The following GADL1 variants were observed in gnomAD, a reference collection of about 807,000 sequenced individuals.
The protein encoded by GADL1 is GAD like acidic amino acid decarboxylase 1.
GADL1 carries 71 observed loss-of-function variants against 69.5 expected under a neutral mutation model. The observed-to-expected ratio is 1.02, with a 90% confidence interval of 0.84 to 1.25. GADL1 has a LOEUF of 1.25. Ranked by LOEUF, GADL1 falls within the 50% of genes most tolerant of loss-of-function variation. The pLI is 0.00. For synonymous variants in GADL1, 254 were observed against 214.4 expected (o/e 1.18, Z -1.62); for missense variants, 737 against 631.8 (o/e 1.17, Z -1.79).
At chr3:30,840,645 C>A (rs1697950414) in intron 8 of GADL1, among the ~76,000 whole-genome samples, 1 of 152,158 alleles carries the variant, frequency 6.6e-6, no homozygotes, top group African/African-American at 2.4e-5. Context: ...TCCTCATAAA[C>A]TATATGACAT....
At chr3:30,879,867 G>T (rs781716898) in intron 1 of GADL1, among the ~76,000 whole-genome samples, 2 of 151,858 alleles carry the variant, frequency 1.3e-5, no homozygotes, top group African/African-American at 2.4e-5. Flanking sequence ...GAAAATAAAA[G>T]AATGTAGAAA....
chr3:30,859,513 G>A (rs1169829539), intron 2 of GADL1, among the ~76,000 whole-genome samples: 4 of 151,810 alleles, frequency 2.6e-5, no homozygotes, highest in Non-Finnish European at 5.9e-5. Context: ...TAGAGGAAAG[G>A]GGAGGATTGA....
intron 14 of GADL1, among the ~76,000 whole-genome samples, chr3:30,734,472 G>A (rs1388222907): frequency 2.6e-5 from 4 of 152,158 alleles, no homozygotes; most frequent in Non-Finnish European, 5.9e-5. Context: ...TTTGGATTCA[G>A]CTAAATATAT....
At chr3:30,819,847 A>T (rs1455668961) in intron 11 of GADL1, among the ~76,000 whole-genome samples, 29 of 152,088 alleles carry the variant, frequency 1.9e-4, no homozygotes, top group African/African-American at 7.0e-4. Flanking sequence ...AGCAAAATAT[A>T]TTTGAGAAAA....
At chr3:30,800,768 ATTAC>A (rs1697141524) in intron 12 of GADL1, 117 bp downstream of exon 12, 2 of 774,182 alleles carry the variant, frequency 2.6e-6, no homozygotes, top group African/African-American at 3.5e-5. Context: ...CATTTCAAGT[ATTAC>A]TTTCCTTAGG....
chr3:30,792,691 G>A (rs1351819856), intron 12 of GADL1, among the ~76,000 whole-genome samples: 1 of 152,148 alleles, frequency 6.6e-6, no homozygotes, highest in African/African-American at 2.4e-5. Context: ...GTGTTAGGGA[G>A]GTTTCCTCTC....
rs958385182 is a variant in GADL1 at position 30,877,533 on chromosome 3, C to A, written c.38-15768G>T. Among the ~76,000 whole-genome samples, 3 of 151,914 alleles carry A rather than the reference C, an allele frequency of 2.0e-5. No homozygotes were observed. In the South Asian group the frequency reaches 6.2e-4, roughly 32 times the overall value. On this transcript the variant is annotated intron_variant, in intron 1 of 14. Transcript: ENST00000282538. The stretch of plus-strand genomic sequence containing the variant: ...AAACTGAGTGTCATGACAGAATATA[C>A]CATGATGAAAATGCATATGAAGGAA...
intron 9 of GADL1, among the ~76,000 whole-genome samples, chr3:30,835,956 C>T (rs1217950559): frequency 6.6e-6 from 1 of 152,100 alleles, no homozygotes; most frequent in Non-Finnish European, 1.5e-5. Context: ...ATTTTATCCC[C>T]AGCCTACAAC....
chr3:30,890,809 A>G (rs1326145301), intron 1 of GADL1, among the ~76,000 whole-genome samples: 1 of 152,204 alleles, frequency 6.6e-6, no homozygotes, highest in Non-Finnish European at 1.5e-5. Flanking sequence ...ACACATTTCA[A>G]TAACCTCATT....
At chr3:30,863,648 C>T (rs972893852) in intron 1 of GADL1, among the ~76,000 whole-genome samples, 1 of 151,808 alleles carries the variant, frequency 6.6e-6, no homozygotes, top group African/African-American at 2.4e-5. Context: ...AAGTACTTTT[C>T]AGCACTGTAC....
intron 8 of GADL1, 21 bp downstream of exon 8, chr3:30,844,189 T>C: frequency 1.2e-6 from 2 of 1,601,592 alleles, no homozygotes; most frequent in Non-Finnish European, 1.7e-6. Flanking sequence ...TCTCTCTCCC[T>C]CTCGCTTTCT....
chr3:30,782,626 TACAAAGAGGCTATTGATA>T (rs1696690085), intron 13 of GADL1, among the ~76,000 whole-genome samples: 1 of 152,064 alleles, frequency 6.6e-6, no homozygotes, highest in Non-Finnish European at 1.5e-5. Context: ...GATGAAGACA[TACAAAGAGGCTATTGATA>T]ACAAAGTTCT....
Position 30,872,451 on chromosome 3 carries a change from A to G in GADL1, c.38-10686T>C, listed in dbSNP as rs375890684. On this transcript the variant is annotated intron_variant, in intron 1 of 14. Transcript: ENST00000282538. ...ATCCTTTTCTTGTCTATATACATTTATAAAACACCAGGTTTCACTCATTGC... is the reference window on the plus strand; with the variant it reads ...ATCCTTTTCTTGTCTATATACATTTGTAAAACACCAGGTTTCACTCATTGC... 2.0e-3 allele frequency among the ~76,000 whole-genome samples: 308 copies of G among 152,018 alleles called. 1 individual carries two copies. The highest frequency in any genetic ancestry group is 7.1e-3 in the African/African-American group (296 of 41,528).
chr3:30,752,360 A>G (rs947486791), intron 14 of GADL1, among the ~76,000 whole-genome samples: 2 of 151,692 alleles, frequency 1.3e-5, no homozygotes, highest in Admixed American at 6.6e-5. Flanking sequence ...TTTAAGCACA[A>G]TCTATTTAAG....
intron 11 of GADL1, 21 bp from the exon 12 acceptor site, chr3:30,801,109 C>G (rs776327117): frequency 1.4e-6 from 2 of 1,409,008 alleles, no homozygotes; most frequent in East Asian, 4.5e-5. Flanking sequence ...GAAAAGATTA[C>G]AAGACTGTTA....
At chr3:30,779,033 C>T (rs895418111) in intron 13 of GADL1, 4 of 152,190 alleles carry the variant, frequency 2.6e-5, no homozygotes, top group Non-Finnish European at 4.4e-5. Flanking sequence ...GTAATCATAA[C>T]CCAGTTATCT....
At chr3:30,759,916 CTG>C (rs1458514292) in intron 14 of GADL1, among the ~76,000 whole-genome samples, 2 of 152,098 alleles carry the variant, frequency 1.3e-5, no homozygotes, top group East Asian at 3.8e-4. Flanking sequence ...CTCTATGCCT[CTG>C]TCACTCATAA....
intron 14 of GADL1, among the ~76,000 whole-genome samples, chr3:30,758,427 T>C (rs545413575): frequency 5.0e-4 from 76 of 151,984 alleles, no homozygotes; most frequent in African/African-American, 1.8e-3. Context: ...TTTCCCGTCT[T>C]CCCCTCTTCT....
chr3:30,768,143 G>A (rs1008053873), intron 14 of GADL1, among the ~76,000 whole-genome samples: 5 of 149,820 alleles, frequency 3.3e-5, no homozygotes, highest in African/African-American at 1.2e-4. Flanking sequence ...TTAAAAATTA[G>A]TAATACAAAG....
Sources: gnomAD v4.1 joint callset for allele counts (sites outside exome capture counted in the v4.1 genomes callset) on GRCh38, gnomAD v4.1.1 for gene constraint, MANE v1.5 for transcripts, NCBI Gene and HGNC (gene_info 2026-07-23, HGNC 2026-07-21) for gene names.